Variants in MTMR10 observed in about 807,000 individuals in gnomAD.
MTMR10 encodes the protein myotubularin-related protein 10.
In MTMR10, 56 loss-of-function variants were observed where a neutral mutation model predicts 88.1. The observed-to-expected ratio is 0.64, with a 90% CI of 0.51 to 0.79. The LOEUF is 0.79. Ranked by LOEUF, MTMR10 falls within the 30% of genes least tolerant of loss-of-function variation. The probability of loss-of-function intolerance (pLI) is 0.00; values close to 1 mark genes in which losing one functional copy is unlikely to be tolerated. For synonymous variants in MTMR10, 380 were observed against 340.9 expected (o/e 1.11, Z -1.26); for missense variants, 883 against 924.7 (o/e 0.95, Z 0.58).
chr15:30,920,467 C>T, the MTMR10 span: 2 of 919,628 alleles, frequency 2.2e-6, no homozygotes, highest in Admixed American at 2.0e-5. Context: ...GGAATTCAGT[C>T]TGCTTTGTCA....
At chr15:30,954,279 C>A (rs189233730) in intron 10 of MTMR10, among the ~76,000 whole-genome samples, 2 of 152,188 alleles carry the variant, frequency 1.3e-5, no homozygotes, top group Admixed American at 1.3e-4. Context: ...TGAGGAGGAC[C>A]CACATTACAC....
downstream of MTMR10, chr15:30,938,936 C>CAACA: frequency 2.0e-6 from 2 of 985,372 alleles, no homozygotes; most frequent in Non-Finnish European, 2.4e-6. Flanking sequence ...ATACTGACAA[C>CAACA]AACAAACAGT....
chr15:30,951,911 T>C, intron 12 of MTMR10, 57 bp downstream of exon 12: 1 of 1,458,684 alleles, frequency 6.9e-7, no homozygotes. Flanking sequence ...GGACAAGCAG[T>C]AAACCAAGGC....
At chr15:30,929,863 A>T in the MTMR10 span, among the ~76,000 whole-genome samples, 7 of 64,136 alleles carry the variant, frequency 1.1e-4, no homozygotes, top group Non-Finnish European at 1.5e-4. Flanking sequence ...ATCATATATA[A>T]TATATATAAA....
At position 30,991,389 on chromosome 15, in the gene MTMR10, T is replaced by C. The variant is rs954419796; in HGVS notation, c.60+58A>G. The C allele has an allele frequency of 4.3e-6, 6 of 1,405,866 alleles. No homozygotes were observed. The African/African-American group carries it at 9.0e-5, about 21-fold the overall frequency. 87.1% of individuals were successfully genotyped at this position (1,405,866 alleles called of 1,614,324 possible). A position where few individuals can be genotyped will look rare whatever the true frequency, so the allele number is the denominator to read the frequency against. On this transcript the variant is annotated intron_variant, in intron 1 of 15. Coordinates refer to ENST00000435680, the MANE Select transcript of MTMR10 (RefSeq NM_017762.3). Reference sequence around the variant, plus strand: ...GTCCTCCAGTTCCCGGGGGTCGGCCTGGAGGCTCCACGGAAGCGCAGAGGA... The same window carrying C: ...GTCCTCCAGTTCCCGGGGGTCGGCCCGGAGGCTCCACGGAAGCGCAGAGGA...
intron 9 of MTMR10, among the ~76,000 whole-genome samples, chr15:30,955,610 A>T (rs2063315624): frequency 6.6e-6 from 1 of 152,114 alleles, no homozygotes; most frequent in Non-Finnish European, 1.5e-5. Flanking sequence ...AAGCACATCC[A>T]TTGGAACACT....
Position 30,983,781 on chromosome 15 carries a change from TAG to T in MTMR10, c.122-6828_122-6827del, listed in dbSNP as rs1443922667. ...TGGGACAAGCTGGTCACCCTAGCTTTAGGTAAATTCAGGAATTAAAGTGGCTC... is the reference window on the plus strand; with the variant it reads ...TGGGACAAGCTGGTCACCCTAGCTTTGTAAATTCAGGAATTAAAGTGGCTC... On this transcript the variant is annotated intron_variant, in intron 2 of 15. Coordinates refer to ENST00000435680, the MANE Select transcript of MTMR10 (RefSeq NM_017762.3). 2.6e-5 allele frequency among the ~76,000 whole-genome samples: 4 copies of T among 152,194 alleles called. No individual in the cohort carries two copies. The East Asian group carries it at 7.7e-4, about 29-fold the overall frequency.
intron 2 of MTMR10, among the ~76,000 whole-genome samples, chr15:30,990,082 T>C (rs1024986701): frequency 1.3e-5 from 2 of 152,120 alleles, no homozygotes; most frequent in Non-Finnish European, 2.9e-5. Flanking sequence ...ATAGCAAATT[T>C]TGTTCTAAAG....
rs2063029721 is a variant in MTMR10 at position 30,941,038 on chromosome 15, A to G, written c.*432T>C. 8.5e-7 allele frequency: 1 copy of G among 1,172,434 alleles called. No homozygotes were observed. Among genetic ancestry groups the G allele is most frequent in the Non-Finnish European group, 1.1e-6 (1 of 935,326 alleles). 72.6% of individuals were successfully genotyped at this position (1,172,434 alleles called of 1,614,324 possible). A position where few individuals can be genotyped will look rare whatever the true frequency, so the allele number is the denominator to read the frequency against. ...GAGACGACAGAAAGTAACCAGAAAA[A>G]TACATGAATACTTCCTAAAACCTGC... is the stretch of plus-strand genomic sequence containing the variant. On this transcript the variant is annotated 3_prime_UTR_variant, in exon 16 of 16. Transcript: ENST00000435680.
At chr15:30,930,160 C>T in the MTMR10 span, among the ~76,000 whole-genome samples, 1 of 151,366 alleles carries the variant, frequency 6.6e-6, no homozygotes, top group African/African-American at 2.4e-5. Flanking sequence ...CCTGAGTTGA[C>T]AGCTTTCTTT....
At position 30,940,461 on chromosome 15, in the gene MTMR10, C is replaced by A. The variant is rs1056496752; in HGVS notation, c.*1009G>T. The stretch of plus-strand genomic sequence containing the variant: ...ATTAGGAACTATGAGAGAAGGACAT[C>A]TGTGCAGGTGCCCAACTCGTAACCT... On this transcript the variant is annotated 3_prime_UTR_variant, in exon 16 of 16. Transcript: ENST00000435680. The A allele has an allele frequency of 2.3e-5, 23 of 985,352 alleles. No individual in the cohort carries two copies. In the African/African-American group the frequency reaches 3.7e-4, roughly 16 times the overall value. The allele number at this position is 985,352 out of a possible 1,614,324, so 61.0% of individuals were successfully genotyped here. A position where few individuals can be genotyped will look rare whatever the true frequency, so the allele number is the denominator to read the frequency against.
At chr15:30,928,391 G>C in the MTMR10 span, 9 of 1,451,334 alleles carry the variant, frequency 6.2e-6, no homozygotes, top group Non-Finnish European at 7.2e-6. Context: ...AAATAAACTG[G>C]GAATGGCGTG....
At position 30,941,866 on chromosome 15, in the gene MTMR10, C is replaced by A; in HGVS notation, c.1938G>T (p.Leu646=). Residue 646 remains leucine (L), a synonymous_variant, in exon 16 of 16, where the codon CTG becomes CTT. Coordinates refer to ENST00000435680, the MANE Select transcript of MTMR10 (RefSeq NM_017762.3). ...TTATGTGTGTTCCAGAGACACGTGGCAGAATAACACCGTGCAGGTTGGCGG... is the reference window on the plus strand; with the variant it reads ...TTATGTGTGTTCCAGAGACACGTGGAAGAATAACACCGTGCAGGTTGGCGG... The part of the protein sequence containing the change: ...SKPANLHGVI[L]PRVSGTHIKL... 6.2e-7 allele frequency: 1 copy of A among 1,614,040 alleles called. No individual in the cohort carries two copies.
At chr15:30,961,421 A>C (rs1042966148) in intron 6 of MTMR10, among the ~76,000 whole-genome samples, 3 of 151,898 alleles carry the variant, frequency 2.0e-5, no homozygotes, top group African/African-American at 7.3e-5. Context: ...TTGTATTTTT[A>C]ATAGAGACAG....
intron 6 of MTMR10, among the ~76,000 whole-genome samples, chr15:30,961,868 C>T (rs747428631): frequency 2.6e-5 from 4 of 152,178 alleles, no homozygotes; most frequent in Non-Finnish European, 5.9e-5. Context: ...CCTTCCTCAT[C>T]TCCGTCCCTA....
intron 6 of MTMR10, among the ~76,000 whole-genome samples, chr15:30,962,482 TCAATAAGCTCATTTTC>T (rs907878992): frequency 5.3e-5 from 8 of 152,212 alleles, no homozygotes; most frequent in Non-Finnish European, 8.8e-5. Context: ...CCTTAAACTT[TCAATAAGCTCATTTTC>T]CAACCAAATC....
At chr15:30,925,505 T>G in the MTMR10 span, among the ~76,000 whole-genome samples, 3 of 152,346 alleles carry the variant, frequency 2.0e-5, no homozygotes, top group African/African-American at 7.2e-5. Context: ...GGTCACACCC[T>G]GGGTTGAGTG....
downstream of MTMR10, among the ~76,000 whole-genome samples, chr15:30,937,574 C>CCCCA (rs2062896412): frequency 6.6e-6 from 1 of 151,248 alleles, no homozygotes; most frequent in African/African-American, 2.4e-5. Context: ...GCCTCAGGGT[C>CCCCA]CCCAGTAGCT....
chr15:30,925,626 C>G, the MTMR10 span, among the ~76,000 whole-genome samples: 3,605 of 152,380 alleles, frequency 0.024, 140 homozygotes, highest in African/African-American at 0.082. Context: ...GACCAGCGAA[C>G]TGTCACATCC....
Sources: gnomAD v4.1 joint callset for allele counts (sites outside exome capture counted in the v4.1 genomes callset) on GRCh38, gnomAD v4.1.1 for gene constraint, MANE v1.5 for transcripts, NCBI Gene and HGNC (gene_info 2026-07-23, HGNC 2026-07-21) for gene names.